Variants in ZC3H12B observed in about 807,000 individuals in gnomAD.
ZC3H12B encodes the protein zinc finger CCCH-type containing 12B.
Under a neutral mutation model 43.9 loss-of-function variants are expected in ZC3H12B, and 7 were observed. The observed-to-expected ratio is 0.16, with a 90% CI of 0.09 to 0.30. The LOEUF (loss-of-function observed/expected upper bound fraction) is 0.30. Ranked by LOEUF, ZC3H12B falls within the 10% of genes least tolerant of loss-of-function variation. The pLI is 1.00. For missense variants in ZC3H12B, 475 were observed against 670.2 expected (o/e 0.71, Z 3.22); for synonymous variants, 222 against 241.7 (o/e 0.92, Z 0.76).
chrX:65,387,039 A>G lies in ZC3H12B; in HGVS notation n.296-11554A>G, dbSNP rs755274941. ...TTTGTCATAATTTCTGTTCTTTTAC[A>G]TGTGCTGAGGAGTGCTTTACTTCCA... On this transcript the variant is annotated intron_variant and non_coding_transcript_variant, in intron 2 of 5. Transcript: ENST00000617377. 2.7e-5 allele frequency among the ~76,000 whole-genome samples: 3 copies of G among 111,769 alleles called. No homozygotes were observed. In the South Asian group the frequency reaches 1.1e-3, roughly 42 times the overall value.
chrX:65,393,684 G>C (rs930581347), intron 2 of ZC3H12B, among the ~76,000 whole-genome samples: 1 of 112,115 alleles, frequency 8.9e-6, no homozygotes, highest in Non-Finnish European at 1.9e-5. Context: ...CTTGATAGTA[G>C]AATGATTTAT....
At chrX:65,364,811 C>T (rs2066152318), upstream of ZC3H12B, among the ~76,000 whole-genome samples, 1 of 111,445 alleles carries the variant, frequency 9.0e-6, no homozygotes, top group South Asian at 3.8e-4. Context: ...AGGGATTGTT[C>T]AGGCCCTGTG....
chrX:65,493,859 C>T, intron 1 of ZC3H12B, among the ~76,000 whole-genome samples: 1 of 111,530 alleles, frequency 9.0e-6, no homozygotes, highest in East Asian at 2.8e-4. Flanking sequence ...GCTTTATTTT[C>T]CTCTTTTTTT....
intron 2 of ZC3H12B, among the ~76,000 whole-genome samples, chrX:65,386,452 C>A (rs1220653052): frequency 8.9e-6 from 1 of 111,834 alleles, no homozygotes; most frequent in African/African-American, 3.3e-5. Flanking sequence ...TTATAGTATT[C>A]TCTGATGGTA....
chrX:65,358,551 A>G, the ZC3H12B span, among the ~76,000 whole-genome samples: 1 of 111,922 alleles, frequency 8.9e-6, no homozygotes, highest in Admixed American at 9.5e-5. Flanking sequence ...GCACAACTAC[A>G]TGGAAACTGA....
At chrX:65,070,623 G>T in the ZC3H12B span, among the ~76,000 whole-genome samples, 1 of 110,365 alleles carries the variant, frequency 9.1e-6, no homozygotes, top group African/African-American at 3.3e-5. Context: ...AGAGATTCTG[G>T]TTTGTTGTGT....
At chrX:65,475,745 A>G (rs1363886260) in intron 3 of ZC3H12B, among the ~76,000 whole-genome samples, 1 of 112,116 alleles carries the variant, frequency 8.9e-6, no homozygotes, top group African/African-American at 3.2e-5. Context: ...CATGTCTTAC[A>G]TGGCGGCAGG....
At chrX:65,175,352 A>G in the ZC3H12B span, among the ~76,000 whole-genome samples, 1 of 111,643 alleles carries the variant, frequency 9.0e-6, no homozygotes, top group Non-Finnish European at 1.9e-5. Flanking sequence ...TCCGTTTTGC[A>G]TGTAACATTT....
the ZC3H12B span, among the ~76,000 whole-genome samples, chrX:65,354,325 G>C: frequency 4.8e-3 from 536 of 111,994 alleles, 4 homozygotes; most frequent in African/African-American, 0.016. Flanking sequence ...AAACAGTCTG[G>C]AGTGGACCTC....
the ZC3H12B span, among the ~76,000 whole-genome samples, chrX:65,202,150 A>T: frequency 1.1e-5 from 1 of 90,359 alleles, no homozygotes; most frequent in Non-Finnish European, 2.1e-5. Flanking sequence ...ATAATATGAA[A>T]TATATATTAT....
chrX:65,242,852 C>G, the ZC3H12B span, among the ~76,000 whole-genome samples: 1 of 112,073 alleles, frequency 8.9e-6, no homozygotes, highest in Non-Finnish European at 1.9e-5. Flanking sequence ...TCATTTTTGC[C>G]AAAGGTTTCA....
chrX:65,421,682 C>T (rs758868985), intron 3 of ZC3H12B, among the ~76,000 whole-genome samples: 1 of 112,388 alleles, frequency 8.9e-6, no homozygotes, highest in Non-Finnish European at 1.9e-5. Context: ...CAGCAACGGG[C>T]CAGGTGCGGT....
chrX:65,356,517 A>G, the ZC3H12B span, among the ~76,000 whole-genome samples: 1 of 111,987 alleles, frequency 8.9e-6, no homozygotes, highest in African/African-American at 3.2e-5. Flanking sequence ...CCCTTTATAT[A>G]TTCTTCATCA....
chrX:65,402,357 A>C (rs1324075394), intron 3 of ZC3H12B, among the ~76,000 whole-genome samples: 1 of 111,905 alleles, frequency 8.9e-6, no homozygotes, highest in Admixed American at 9.4e-5. Context: ...CTCCTAGATG[A>C]CACCTAGGGA....
chrX:65,463,072 C>T (rs769921225), intron 3 of ZC3H12B, among the ~76,000 whole-genome samples: 12 of 111,744 alleles, frequency 1.1e-4, no homozygotes, highest in Non-Finnish European at 2.1e-4. Context: ...ACATTGAGTA[C>T]TCATGGACAT....
At chrX:65,356,240 G>A in the ZC3H12B span, among the ~76,000 whole-genome samples, 1 of 111,463 alleles carries the variant, frequency 9.0e-6, no homozygotes, top group East Asian at 2.8e-4. Flanking sequence ...AGGTTGTTTT[G>A]TGGGCATAAA....
At chrX:65,342,060 A>G in the ZC3H12B span, among the ~76,000 whole-genome samples, 2 of 111,184 alleles carry the variant, frequency 1.8e-5, no homozygotes, top group Non-Finnish European at 3.8e-5. Context: ...AAATAAAGGT[A>G]TAGAGAAAGA....
the ZC3H12B span, among the ~76,000 whole-genome samples, chrX:65,103,386 T>C: frequency 8.9e-6 from 1 of 112,018 alleles, no homozygotes; most frequent in African/African-American, 3.2e-5. Flanking sequence ...AACATTACTG[T>C]TATCCTGTTC....
the ZC3H12B span, among the ~76,000 whole-genome samples, chrX:65,140,258 G>T: frequency 5.4e-5 from 6 of 111,210 alleles, no homozygotes; most frequent in South Asian, 2.3e-3. Context: ...TTATTGTCTT[G>T]TGGTACCTCC....
Sources: allele counts gnomAD v4.1 joint callset (sites outside exome capture counted in the v4.1 genomes callset), GRCh38; gene constraint gnomAD v4.1.1; transcripts MANE v1.5; gene names NCBI Gene and HGNC (gene_info 2026-07-23, HGNC 2026-07-21).